Variants in ROBO1 observed in about 807,000 individuals in gnomAD.
ROBO1 encodes roundabout homolog 1.
ROBO1 carries 149 observed loss-of-function variants against 195.9 expected under a neutral mutation model. The ratio of observed to expected loss-of-function variants is 0.76; its 90% confidence interval spans 0.67 to 0.87. ROBO1 has a LOEUF of 0.87. ROBO1 is among the 40% of genes least tolerant of loss of function. ROBO1 has a pLI of 0.00. For missense variants in ROBO1, 1,933 were observed against 2,068.3 expected (o/e 0.93, Z 1.27); for synonymous variants, 816 against 733.2 (o/e 1.11, Z -1.82).
At chr3:79,426,687 A>G (rs1435219355) in intron 2 of ROBO1, among the ~76,000 whole-genome samples, 1 of 152,124 alleles carries the variant, frequency 6.6e-6, no homozygotes, top group Non-Finnish European at 1.5e-5. Context: ...ATGTAATTCT[A>G]TCATGCCTAT....
At chr3:79,584,755 T>C (rs1267884041) in intron 2 of ROBO1, among the ~76,000 whole-genome samples, 1 of 150,784 alleles carries the variant, frequency 6.6e-6, no homozygotes, top group African/African-American at 2.4e-5. Flanking sequence ...CAACCTTCAC[T>C]AAGCACCACA....
chr3:79,513,631 A>T (rs913991809), intron 2 of ROBO1, among the ~76,000 whole-genome samples: 1 of 152,172 alleles, frequency 6.6e-6, no homozygotes, highest in Non-Finnish European at 1.5e-5. Flanking sequence ...GACCTACATA[A>T]GCCAAGGAGA....
intron 2 of ROBO1, among the ~76,000 whole-genome samples, chr3:79,396,605 G>A (rs896745261): frequency 3.9e-5 from 6 of 152,006 alleles, no homozygotes; most frequent in East Asian, 1.9e-4. Context: ...ATTATGTAAC[G>A]ACAGTTATCT....
Position 78,729,478 on chromosome 3 carries a change from C to T in ROBO1, c.658-11595G>A, listed in dbSNP as rs573548697. Among the ~76,000 whole-genome samples, 131 of 152,268 alleles carry T rather than the reference C, an allele frequency of 8.6e-4. 2 individuals carry two copies. The highest frequency in any genetic ancestry group is 3.8e-4 in the Non-Finnish European group (26 of 68,026). On this transcript the variant is annotated intron_variant, in intron 5 of 30. Coordinates refer to ENST00000464233, the MANE Select transcript of ROBO1 (RefSeq NM_002941.4). ...GTGTAGCTCAAAGACAATATGAAGC[C>T]TTGGGTATGGCATTTTTCTGCTGGA...
chr3:79,160,232 A>T (rs1350037731), intron 2 of ROBO1, among the ~76,000 whole-genome samples: 1 of 142,904 alleles, frequency 7.0e-6, no homozygotes, highest in Non-Finnish European at 1.5e-5. Context: ...GCCTTTAAAA[A>T]AATGTGTGTG....
At chr3:79,626,486 G>C (rs1423992886) in intron 1 of ROBO1, among the ~76,000 whole-genome samples, 1 of 152,078 alleles carries the variant, frequency 6.6e-6, no homozygotes, top group Non-Finnish European at 1.5e-5. Context: ...ACTAGGTATT[G>C]ATGGACCATA....
Position 78,956,073 on chromosome 3 carries a change from T to C in ROBO1, c.173-17146A>G, listed in dbSNP as rs546523941. On this transcript the variant is annotated intron_variant, in intron 3 of 30. Transcript: ENST00000464233. Reference sequence around the variant, plus strand: ...CATTTAGCACACAAGATATAGAAATTTGAAAGGTATTCCAAATGTTAATGC... The same window carrying C: ...CATTTAGCACACAAGATATAGAAATCTGAAAGGTATTCCAAATGTTAATGC... Among the ~76,000 whole-genome samples the C allele has an allele frequency of 4.6e-4, 70 of 152,264 alleles. 1 individual carries two copies. The highest frequency in any genetic ancestry group is 3.4e-3 in the Middle Eastern group (1 of 294).
At chr3:79,335,384 G>A (rs1364841985) in intron 2 of ROBO1, among the ~76,000 whole-genome samples, 9 of 152,070 alleles carry the variant, frequency 5.9e-5, no homozygotes, top group Non-Finnish European at 1.3e-4. Context: ...ATCTCATCTT[G>A]AAGTGTCAAG....
chr3:79,057,510 T>C (rs530803193), intron 3 of ROBO1, among the ~76,000 whole-genome samples: 1 of 152,170 alleles, frequency 6.6e-6, no homozygotes, highest in African/African-American at 2.4e-5. Context: ...AAAATGGGTC[T>C]GGTTCAATCC....
chr3:78,879,883 G>GCAA (rs1270445545), intron 4 of ROBO1, among the ~76,000 whole-genome samples: 1 of 152,062 alleles, frequency 6.6e-6, no homozygotes, highest in Non-Finnish European at 1.5e-5. Flanking sequence ...TCTAAAGTCT[G>GCAA]CAACACTGTA....
At chr3:78,996,899 T>A (rs1249191424) in intron 3 of ROBO1, among the ~76,000 whole-genome samples, 1 of 152,204 alleles carries the variant, frequency 6.6e-6, no homozygotes, top group Non-Finnish European at 1.5e-5. Context: ...TAAGTAGATA[T>A]TAACCTACCT....
At chr3:79,023,706 T>G (rs2078146497) in intron 3 of ROBO1, among the ~76,000 whole-genome samples, 1 of 131,228 alleles carries the variant, frequency 7.6e-6, no homozygotes, top group Non-Finnish European at 1.6e-5. Context: ...GTTTTTTTTT[T>G]TTTTTTTTTT....
chr3:78,936,143 G>A (rs999973287), intron 4 of ROBO1, among the ~76,000 whole-genome samples: 5 of 151,714 alleles, frequency 3.3e-5, no homozygotes, highest in African/African-American at 1.2e-4. Flanking sequence ...AAATATTTAA[G>A]GCACAATAGA....
At chr3:78,655,511 G>C (rs1706950796) in intron 18 of ROBO1, among the ~76,000 whole-genome samples, 1 of 152,108 alleles carries the variant, frequency 6.6e-6, no homozygotes, top group South Asian at 2.1e-4. Flanking sequence ...TCCTCAATGT[G>C]TGTGTGGAAC....
intron 2 of ROBO1, among the ~76,000 whole-genome samples, chr3:79,436,837 T>C (rs1246041035): frequency 6.6e-6 from 1 of 152,046 alleles, no homozygotes; most frequent in Non-Finnish European, 1.5e-5. Context: ...AGATGGCTTT[T>C]AGCTTTTCGG....
chr3:79,008,198 A>T (rs2077671484), intron 3 of ROBO1, among the ~76,000 whole-genome samples: 1 of 152,198 alleles, frequency 6.6e-6, no homozygotes, highest in Non-Finnish European at 1.5e-5. Context: ...TCTTTCATTC[A>T]TACAGTGCCA....
intron 4 of ROBO1, among the ~76,000 whole-genome samples, chr3:78,844,959 A>G (rs150474298): frequency 1.5e-4 from 23 of 152,216 alleles, no homozygotes; most frequent in African/African-American, 5.3e-4. Flanking sequence ...GTCTATAACT[A>G]AGGTAATTAT....
At chr3:79,448,135 T>C (rs923957450) in intron 2 of ROBO1, among the ~76,000 whole-genome samples, 1 of 152,188 alleles carries the variant, frequency 6.6e-6, no homozygotes, top group Non-Finnish European at 1.5e-5. Context: ...AAGATAACTA[T>C]ATTGTGGCAA....
chr3:79,535,794 C>T (rs139051261), intron 2 of ROBO1, among the ~76,000 whole-genome samples: 26 of 151,990 alleles, frequency 1.7e-4, no homozygotes, highest in African/African-American at 5.3e-4. Context: ...AAGAAAGTTA[C>T]GAGACCAGAG....
Sources: gnomAD v4.1 joint callset for allele counts (sites outside exome capture counted in the v4.1 genomes callset) on GRCh38, gnomAD v4.1.1 for gene constraint, MANE v1.5 for transcripts, NCBI Gene and HGNC (gene_info 2026-07-23, HGNC 2026-07-21) for gene names.